Variants in TFEB observed in about 807,000 individuals in gnomAD.
The protein encoded by TFEB is transcription factor EB.
Under a neutral mutation model 48.0 loss-of-function variants are expected in TFEB, and 12 were observed. That is an observed-to-expected ratio of 0.25 (90% CI 0.16 to 0.40). The LOEUF (loss-of-function observed/expected upper bound fraction) is 0.40. Among genes scored for constraint, TFEB ranks in the 10% least tolerant of loss-of-function variants. TFEB has a pLI of 1.00. For synonymous variants in TFEB, 244 were observed against 261.4 expected (o/e 0.93, Z 0.64); for missense variants, 509 against 640.3 (o/e 0.79, Z 2.21).
chr6:41,722,168 C>T (rs372003118), intron 1 of TFEB, among the ~76,000 whole-genome samples: 25 of 152,200 alleles, frequency 1.6e-4, no homozygotes, highest in East Asian at 5.8e-4. Flanking sequence ...TTAGTAGGGA[C>T]GGGGTTTCAC....
At position 41,732,105 on chromosome 6, in the gene TFEB, C is replaced by T. The variant is rs139324485; in HGVS notation, c.-23+3245G>A. 2.2e-4 allele frequency among the ~76,000 whole-genome samples: 33 copies of T among 152,190 alleles called. No individual in the cohort carries two copies. In the East Asian group the frequency reaches 5.0e-3, roughly 23 times the overall value. ...CTCGCTATGTTGCCCAGGCTGGTCT[C>T]GAACTCCTGAGCTCCAGTGATCCTC... On this transcript the variant is annotated intron_variant, in intron 1 of 8. Coordinates refer to ENST00000373033, the MANE Select transcript of TFEB (RefSeq NM_001271944.2).
At chr6:41,728,874 C>T (rs754450973) in intron 1 of TFEB, among the ~76,000 whole-genome samples, 14 of 152,042 alleles carry the variant, frequency 9.2e-5, no homozygotes, top group Admixed American at 4.6e-4. Flanking sequence ...AGGGTAGAGA[C>T]GGTAGACAGA....
chr6:41,691,447 T>C lies in TFEB; in HGVS notation c.-22-212A>G, dbSNP rs1335268974. The C allele has an allele frequency of 1.4e-6, 1 of 717,006 alleles. No individual in the cohort carries two copies. Among genetic ancestry groups the C allele is most frequent in the Non-Finnish European group, 2.6e-6 (1 of 386,578 alleles). 44.4% of individuals were successfully genotyped at this position (717,006 alleles called of 1,614,324 possible). A position where few individuals can be genotyped will look rare whatever the true frequency, so the allele number is the denominator to read the frequency against. On this transcript the variant is annotated intron_variant, in intron 1 of 8. Transcript: ENST00000373033. This position sits in a 1 kb window ranked among gnomAD's most constrained non-coding sequence, Gnocchi z 5.2. The stretch of plus-strand genomic sequence containing the variant: ...AGTTTCCTGGTTCCTGGACCAAAAC[T>C]GAAGGTTCTGTCTTCTTCACTCATT...
intron 1 of TFEB, among the ~76,000 whole-genome samples, chr6:41,722,804 G>T (rs1771037973): frequency 6.6e-6 from 1 of 152,204 alleles, no homozygotes; most frequent in Admixed American, 6.5e-5. Context: ...AACATGCTAT[G>T]TCCTGGTGAA....
chr6:41,704,836 C>G (rs1770121873), intron 1 of TFEB, among the ~76,000 whole-genome samples: 1 of 152,198 alleles, frequency 6.6e-6, no homozygotes, highest in South Asian at 2.1e-4. Flanking sequence ...ATTAAGCAGC[C>G]TGATTCTCAG....
chr6:41,725,578 G>A (rs1771171161), intron 1 of TFEB, among the ~76,000 whole-genome samples: 1 of 152,156 alleles, frequency 6.6e-6, no homozygotes. Context: ...CAACTCCCAA[G>A]CTACATGCCA....
chr6:41,734,124 CAAGTT>C lies in TFEB; in HGVS notation c.-23+1221_-23+1225del, dbSNP rs1441501037. 5.6e-6 allele frequency: 1 copy of C among 177,540 alleles called. No individual in the cohort carries two copies. Among genetic ancestry groups the C allele is most frequent in the Non-Finnish European group, 1.1e-5 (1 of 91,314 alleles). 11.0% of individuals were successfully genotyped at this position (177,540 alleles called of 1,614,324 possible). A position where few individuals can be genotyped will look rare whatever the true frequency, so the allele number is the denominator to read the frequency against. On this transcript the variant is annotated intron_variant, in intron 1 of 8. Coordinates refer to ENST00000373033, the MANE Select transcript of TFEB (RefSeq NM_001271944.2). The surrounding 1 kb of genome is among the most constrained non-coding windows in gnomAD (Gnocchi z 4.0). ...CGAGCTCTAAGCCAAAAACTGCGCTCAAGTTGAGTGCAGAAGCTCCGCGCTGAACC... is the reference window on the plus strand; with the variant it reads ...CGAGCTCTAAGCCAAAAACTGCGCTCGAGTGCAGAAGCTCCGCGCTGAACC...
At chr6:41,700,297 T>C (rs1769834540) in intron 1 of TFEB, among the ~76,000 whole-genome samples, 1 of 151,980 alleles carries the variant, frequency 6.6e-6, no homozygotes. Context: ...AAACCCCGTC[T>C]CTACTAAAAA....
upstream of TFEB, chr6:41,736,214 T>C (rs142880102): frequency 6.2e-4 from 1,000 of 1,612,306 alleles, 5 homozygotes; most frequent in African/African-American, 0.011. Flanking sequence ...CCTTCCCTTG[T>C]TGGAAGTTCA....
chr6:41,732,936 G>A, intron 1 of TFEB: 1 of 985,498 alleles, frequency 1.0e-6, no homozygotes, highest in Non-Finnish European at 1.2e-6. Context: ...TTTCATGACA[G>A]CTGTGGTTGG....
intron 3 of TFEB, among the ~76,000 whole-genome samples, chr6:41,690,318 T>C (rs1350237410): frequency 1.3e-5 from 2 of 151,900 alleles, no homozygotes; most frequent in Non-Finnish European, 2.9e-5. Flanking sequence ...TTAGTAGAGA[T>C]AGGGTTTCAC....
chr6:41,711,335 C>A (rs779010231), intron 1 of TFEB, among the ~76,000 whole-genome samples: 1 of 152,222 alleles, frequency 6.6e-6, no homozygotes, highest in East Asian at 1.9e-4. Flanking sequence ...AGAGGACACT[C>A]GGACATGGCC....
chr6:41,711,295 G>A (rs1422790125), intron 1 of TFEB, among the ~76,000 whole-genome samples: 1 of 152,188 alleles, frequency 6.6e-6, no homozygotes, highest in Non-Finnish European at 1.5e-5. Flanking sequence ...CTGTCCCTTG[G>A]TTTCCTCCTC....
intron 1 of TFEB, among the ~76,000 whole-genome samples, chr6:41,715,484 A>G (rs1770695759): frequency 6.6e-6 from 1 of 152,126 alleles, no homozygotes; most frequent in African/African-American, 2.4e-5. Flanking sequence ...AGCTTGACCA[A>G]CATGGTGAAA....
In TFEB at chr6:41,720,921, C is replaced by A. The variant is rs1042691721; in HGVS notation, c.-23+14429G>T. 2.6e-5 allele frequency among the ~76,000 whole-genome samples: 4 copies of A among 152,192 alleles called. No homozygotes were observed. The highest frequency in any genetic ancestry group is 4.4e-5 in the Non-Finnish European group (3 of 68,044). ...TGAGACCCCAACCTCCACCCAACCCCCTGCTCCAGCAAGCATGGGCAGCTC... is the reference window on the plus strand; with the variant it reads ...TGAGACCCCAACCTCCACCCAACCCACTGCTCCAGCAAGCATGGGCAGCTC... On this transcript the variant is annotated intron_variant, in intron 1 of 8. Coordinates refer to ENST00000373033, the MANE Select transcript of TFEB (RefSeq NM_001271944.2). The surrounding 1 kb of genome is among the most constrained non-coding windows in gnomAD (Gnocchi z 4.1).
intron 1 of TFEB, among the ~76,000 whole-genome samples, chr6:41,714,167 ATGTGTGCGTG>A (rs1561866730): frequency 3.6e-5 from 5 of 137,508 alleles, no homozygotes; most frequent in Non-Finnish European, 7.6e-5. Flanking sequence ...ATGCGTGTGC[ATGTGTGCGTG>A]TGTGTGCATG....
chr6:41,686,508 CTTTTTT>C (rs34883692), intron 7 of TFEB: 50 of 150,754 alleles, frequency 3.3e-4, no homozygotes, highest in Middle Eastern at 2.6e-3. Flanking sequence ...GCCTACCTTT[CTTTTTT>C]TTTTTTTTTT....
rs1254979414 is a variant in TFEB, at chr6:41,723,519, C to T, written c.-23+11831G>A. 2.7e-5 allele frequency: 35 copies of T among 1,288,300 alleles called. No individual in the cohort carries two copies. Among genetic ancestry groups the T allele is most frequent in the East Asian group, 5.6e-5 (1 of 18,016 alleles). 79.8% of individuals were successfully genotyped at this position (1,288,300 alleles called of 1,614,324 possible). A position where few individuals can be genotyped will look rare whatever the true frequency, so the allele number is the denominator to read the frequency against. ...TGGAATGCTCAGCTCCTCCAGGGGC[C>T]GGAGCCCAGGGCCGCACCCCAGCCC... On this transcript the variant is annotated intron_variant, in intron 1 of 8. Transcript: ENST00000373033. The surrounding 1 kb of genome is among the most constrained non-coding windows in gnomAD (Gnocchi z 6.0).
upstream of TFEB, chr6:41,735,652 C>T (rs1249584647): frequency 5.0e-6 from 4 of 804,438 alleles, no homozygotes; most frequent in Non-Finnish European, 4.5e-6. Context: ...ACCCGCCCCG[C>T]CTCCCAGCCG....
Sources: allele counts gnomAD v4.1 joint callset (sites outside exome capture counted in the v4.1 genomes callset), GRCh38; gene constraint gnomAD v4.1.1; non-coding constraint Gnocchi (gnomAD v3.1); transcripts MANE v1.5; gene names NCBI Gene and HGNC (gene_info 2026-07-23, HGNC 2026-07-21).